The following TIGD1 variants were observed in gnomAD, a reference collection of about 807,000 sequenced individuals.
TIGD1 encodes tigger transposable element derived 1.
A neutral mutation model predicts 21.3 loss-of-function variants in TIGD1; 20 were observed. That is an observed-to-expected ratio of 0.94 (90% CI 0.66 to 1.36). TIGD1 has a LOEUF of 1.36. Ranked by LOEUF, TIGD1 falls within the 40% of genes most tolerant of loss-of-function variation. TIGD1 has a pLI of 0.00. For missense variants in TIGD1, 556 were observed against 350.5 expected, an observed-to-expected ratio of 1.59 and a Z score of -4.68; for synonymous variants, 177 against 123.2, an observed-to-expected ratio of 1.44 and a Z score of -2.89.
rs1574651677 is a variant in TIGD1, at chr2:232,549,877, G to A, written c.6C>T (p.Ala2=). The A allele has an allele frequency of 6.8e-7, 1 of 1,460,710 alleles. No homozygotes were observed. The allele number at this position is 1,460,710 out of a possible 1,614,324, so 90.5% of individuals were successfully genotyped here. A position where few individuals can be genotyped will look rare whatever the true frequency, so the allele number is the denominator to read the frequency against. ...TCTTCCTTTCACTTGAGCACTTAGA[G>A]GCCATTGCAGAGTCATTAATTCGCC... is the stretch of plus-strand genomic sequence containing the variant. M[A]SKCSSERKSR... Residue 2 remains alanine (A), a synonymous_variant, in exon 1 of 1, where the codon GCC becomes GCT. Transcript: ENST00000408957.
Position 232,545,490 on chromosome 2 carries a change from A to G in TIGD1, c.*2617T>C. 1 of 1,520,864 alleles carries G rather than the reference A, an allele frequency of 6.6e-7. No individual in the cohort carries two copies. Among genetic ancestry groups the G allele is most frequent in the South Asian group, 1.2e-5 (1 of 86,936 alleles). The allele number at this position is 1,520,864 out of a possible 1,614,324, so 94.2% of individuals were successfully genotyped here. On this transcript the variant is annotated 3_prime_UTR_variant, in exon 1 of 1. Transcript: ENST00000408957. ...AAGCCCAAGGATGAGAACAGGACCC[A>G]GGGAAGACCTGGTGCCGCCGCTGGT...
In TIGD1 at chr2:232,549,375, C is replaced by T. The variant is rs1259476051; in HGVS notation, c.508G>A (p.Ala170Thr). The change falls in exon 1 of 1, where the codon GCT (alanine) becomes ACT (threonine). Residue 170 changes from alanine (A) to threonine (T), a missense_variant. Physicochemically the swap from Ala to Thr is moderately conservative, Grantham distance 58. Transcript: ENST00000408957. ...EAAASYPEAL[A>T]KIIDEGGYTK... ...TAGCCACCTTCGTCAATGATCTTAG[C>T]TAAAGCTTCTGGATAACTTGCTGCA... 1.6e-6 allele frequency: 1 copy of T among 639,298 alleles called. No individual in the cohort carries two copies. The highest frequency in any genetic ancestry group is 2.8e-6 in the Non-Finnish European group (1 of 357,394). 39.6% of individuals were successfully genotyped at this position (639,298 alleles called of 1,614,324 possible).
rs1338929984 is a variant in TIGD1 at position 232,549,573 on chromosome 2, G to T, written c.310C>A (p.Leu104Ile). The change falls in exon 1 of 1, where the codon CTA becomes ATA. Residue 104 changes from leucine to isoleucine, a missense_variant. Physicochemically the swap from Leu to Ile is conservative, Grantham distance 5 (BLOSUM62 2). Coordinates refer to ENST00000408957, the MANE Select transcript of TIGD1 (RefSeq NM_145702.4). Reference sequence around the variant, plus strand: ...AGAGTTAGGGCTTTGTTCTGGATTAGGCTTTGGCTTAAGGGAATGTTGCGG... The same window carrying T: ...AGAGTTAGGGCTTTGTTCTGGATTATGCTTTGGCTTAAGGGAATGTTGCGG... Reference protein sequence around the residue: ...TSRNIPLSQSLIQNKALTLFN... With the variant: ...TSRNIPLSQSIIQNKALTLFN... 1 of 677,610 alleles carries T rather than the reference G, an allele frequency of 1.5e-6. No homozygotes were observed. 42.0% of individuals were successfully genotyped at this position (677,610 alleles called of 1,614,324 possible). A position where few individuals can be genotyped will look rare whatever the true frequency, so the allele number is the denominator to read the frequency against.
rs1261043434 is a variant in TIGD1 at position 232,545,577 on chromosome 2, T to G, written c.*2530A>C. The G allele has an allele frequency of 1.2e-6, 2 of 1,614,034 alleles. No individual in the cohort carries two copies. Among genetic ancestry groups the G allele is most frequent in the Non-Finnish European group, 1.7e-6 (2 of 1,180,000 alleles). ...GAGTGGTTCCTGGTGGGCCGAGTGC[T>G]GGACCGCGTCTGCTTCCTGGCCATG... On this transcript the variant is annotated 3_prime_UTR_variant, in exon 1 of 1. Coordinates refer to ENST00000408957, the MANE Select transcript of TIGD1 (RefSeq NM_145702.4).
At position 232,549,970 on chromosome 2, in the gene TIGD1, T is replaced by G. The variant is rs1692245621; in HGVS notation, c.-88A>C. 1.4e-6 allele frequency: 1 copy of G among 739,596 alleles called. No homozygotes were observed. The allele number at this position is 739,596 out of a possible 1,614,324, so 45.8% of individuals were successfully genotyped here. A position where few individuals can be genotyped will look rare whatever the true frequency, so the allele number is the denominator to read the frequency against. Reference sequence around the variant, plus strand: ...GAAGAGGGAGAGAGATGGGGAACGGTCTGTGGGTGGAGCGGTCAGAACACA... The same window carrying G: ...GAAGAGGGAGAGAGATGGGGAACGGGCTGTGGGTGGAGCGGTCAGAACACA... On this transcript the variant is annotated 5_prime_UTR_variant, in exon 1 of 1. Transcript: ENST00000408957.
chr2:232,547,675 G>T lies in TIGD1; in HGVS notation c.*432C>A. On this transcript the variant is annotated 3_prime_UTR_variant, in exon 1 of 1. Transcript: ENST00000408957. ...AGAACTAGAGGAGTTAGGGAGAGTG[G>T]GGGAGAACTTCAATCAGGGAGGGAA... Among the ~76,000 whole-genome samples, 1 of 152,172 alleles carries T rather than the reference G, an allele frequency of 6.6e-6. No individual in the cohort carries two copies. The highest frequency in any genetic ancestry group is 1.5e-5 in the Non-Finnish European group (1 of 68,030).
In TIGD1 at chr2:232,549,911, A is replaced by C; in HGVS notation, c.-29T>G. 5.7e-6 allele frequency: 7 copies of C among 1,224,326 alleles called. No individual in the cohort carries two copies. Among genetic ancestry groups the C allele is most frequent in the African/African-American group, 1.5e-5 (1 of 65,824 alleles). 75.8% of individuals were successfully genotyped at this position (1,224,326 alleles called of 1,614,324 possible). On this transcript the variant is annotated 5_prime_UTR_variant, in exon 1 of 1. Transcript: ENST00000408957. ...AGAGTCATTAATTCGCCTAATCTCA[A>C]TATTGTTGTGTCTCAGGGAATAGGG... is the stretch of plus-strand genomic sequence containing the variant.
chr2:232,544,762 T>C lies in TIGD1; in HGVS notation c.*3345A>G, dbSNP rs1263207131. On this transcript the variant is annotated 3_prime_UTR_variant, in exon 1 of 1. Transcript: ENST00000408957. ...TTCTACTCCCAAACCTTACCCTTTC[T>C]CTTTATCAGAGAAAGGCCCGGAGTT... 6.2e-7 allele frequency: 1 copy of C among 1,613,860 alleles called. No individual in the cohort carries two copies. The highest frequency in any genetic ancestry group is 1.1e-5 in the South Asian group (1 of 91,076).
rs2106227682 is a variant in TIGD1, at chr2:232,550,019, A to G, written c.-137T>C. On this transcript the variant is annotated 5_prime_UTR_variant, in exon 1 of 1. Coordinates refer to ENST00000408957, the MANE Select transcript of TIGD1 (RefSeq NM_145702.4). ...CACACAACATTAAGTTCCACGTCTT[A>G]TAAAAGACGCTGTATGTGGCACCCC... 5.7e-6 allele frequency: 3 copies of G among 523,962 alleles called. No homozygotes were observed. In the South Asian group the frequency reaches 1.0e-4, roughly 18 times the overall value. The allele number at this position is 523,962 out of a possible 1,614,324, so 32.5% of individuals were successfully genotyped here.
Position 232,546,508 on chromosome 2 carries a change from C to G in TIGD1, c.*1599G>C, listed in dbSNP as rs1462491166. ...CACCACAGGCATGCACCACTACACC[C>G]AGCTACTTTTAAATTTTTAGTAGAG... On this transcript the variant is annotated 3_prime_UTR_variant, in exon 1 of 1. Transcript: ENST00000408957. The G allele has an allele frequency of 6.6e-6, 1 of 152,142 alleles. No homozygotes were observed. Among genetic ancestry groups the G allele is most frequent in the East Asian group, 1.9e-4 (1 of 5,174 alleles). 9.4% of individuals were successfully genotyped at this position (152,142 alleles called of 1,614,324 possible).
Position 232,544,971 on chromosome 2 carries a change from T to C in TIGD1, c.*3136A>G, listed in dbSNP as rs1692097627. The C allele has an allele frequency of 6.2e-7, 1 of 1,600,604 alleles. No homozygotes were observed. Among genetic ancestry groups the C allele is most frequent in the Admixed American group, 1.7e-5 (1 of 58,992 alleles). On this transcript the variant is annotated 3_prime_UTR_variant, in exon 1 of 1. Transcript: ENST00000408957. The stretch of plus-strand genomic sequence containing the variant: ...GCTTGGAACCGTGATAGAGACAGGA[T>C]GAGTGGGGTTGCCAAGATAGGGCAG...
rs192047600 is a variant in TIGD1 at position 232,548,256 on chromosome 2, G to A, written c.1627C>T (p.Arg543Ter). The change falls in exon 1 of 1, where the codon CGA becomes TGA. Residue 543 changes from arginine to a stop codon, truncating the protein, a stop_gained. Coordinates refer to ENST00000408957, the MANE Select transcript of TIGD1 (RefSeq NM_145702.4). LOFTEE classifies it high-confidence loss of function. ...AAATAAGACATCGGTGAAGCTTTTC[G>A]CATGAGTTGACTCTTCCTTTCATGA... The part of the protein sequence containing the change: ...IFHERKSQLM[R>*]KASPMSYFRK... The A allele has an allele frequency of 1.1e-4, 175 of 1,542,890 alleles. No homozygotes were observed. In the East Asian group the frequency reaches 2.7e-3, roughly 24 times the overall value.
chr2:232,549,087 G>C lies in TIGD1; in HGVS notation c.796C>G (p.Arg266Gly), dbSNP rs779574253. The change falls in exon 1 of 1, where the codon CGG becomes GGG. Residue 266 changes from arginine to glycine, a missense_variant. Coordinates refer to ENST00000408957, the MANE Select transcript of TIGD1 (RefSeq NM_145702.4). ...GCTGTAAACAGATGTGCTGTCATCC[G>C]GGCTTTGCTGTTCCATTTATATAGC... The part of the protein sequence containing the change: ...PVLYKWNSKA[R>G]MTAHLFTAWF... 1.8e-4 allele frequency: 129 copies of C among 715,636 alleles called. No individual in the cohort carries two copies. Among genetic ancestry groups the C allele is most frequent in the Non-Finnish European group, 3.0e-4 (117 of 384,770 alleles). 44.3% of individuals were successfully genotyped at this position (715,636 alleles called of 1,614,324 possible).
Position 232,547,316 on chromosome 2 carries a change from G to A in TIGD1, c.*791C>T, listed in dbSNP as rs1487025426. ...GCCTGTAGTCCCAGTTACTCGGGAG[G>A]CTGAGGTGGGAGGATCGCTTGAGCC... On this transcript the variant is annotated 3_prime_UTR_variant, in exon 1 of 1. Coordinates refer to ENST00000408957, the MANE Select transcript of TIGD1 (RefSeq NM_145702.4). Among the ~76,000 whole-genome samples, 1 of 152,180 alleles carries A rather than the reference G, an allele frequency of 6.6e-6. No individual in the cohort carries two copies. Among genetic ancestry groups the A allele is most frequent in the Non-Finnish European group, 1.5e-5 (1 of 68,036 alleles).
chr2:232,546,835 T>C lies in TIGD1; in HGVS notation c.*1272A>G, dbSNP rs1692142436. ...CTACGGCCTGAAAAACAGGCCCTTC[T>C]TCCCAAAGGATGGTTAAGACAAGGA... On this transcript the variant is annotated 3_prime_UTR_variant, in exon 1 of 1. Transcript: ENST00000408957. Among the ~76,000 whole-genome samples, 1 of 152,200 alleles carries C rather than the reference T, an allele frequency of 6.6e-6. No homozygotes were observed. Among genetic ancestry groups the C allele is most frequent in the Non-Finnish European group, 1.5e-5 (1 of 68,038 alleles).
rs549529159 is a variant in TIGD1 at position 232,548,489 on chromosome 2, G to T, written c.1394C>A (p.Ala465Glu). 1 of 664,204 alleles carries T rather than the reference G, an allele frequency of 1.5e-6. No homozygotes were observed. Among genetic ancestry groups the T allele is most frequent in the African/African-American group, 1.8e-5 (1 of 56,678 alleles). 41.1% of individuals were successfully genotyped at this position (664,204 alleles called of 1,614,324 possible). A position where few individuals can be genotyped will look rare whatever the true frequency, so the allele number is the denominator to read the frequency against. Reference sequence around the variant, plus strand: ...CATCTCAAGAAACCACTTTCTTTGCGCATCCATAAGAAACAACTCCTCATC... The same window carrying T: ...CATCTCAAGAAACCACTTTCTTTGCTCATCCATAAGAAACAACTCCTCATC... The part of the protein sequence containing the change: ...LTDEELFLMD[A>E]QRKWFLEMES... The change falls in exon 1 of 1, where the codon GCG becomes GAG. Residue 465 changes from alanine (A) to glutamate (E), a missense_variant. Coordinates refer to ENST00000408957, the MANE Select transcript of TIGD1 (RefSeq NM_145702.4).
rs1374346236 is a variant in TIGD1, at chr2:232,547,907, G to C, written c.*200C>G. The stretch of plus-strand genomic sequence containing the variant: ...ACAGCAACCTAAGGAGGTAGGTCGA[G>C]GCATACCTCAAAGACATTGCAGGTT... On this transcript the variant is annotated 3_prime_UTR_variant, in exon 1 of 1. Coordinates refer to ENST00000408957, the MANE Select transcript of TIGD1 (RefSeq NM_145702.4). 3 of 425,052 alleles carry C rather than the reference G, an allele frequency of 7.1e-6. No individual in the cohort carries two copies. The highest frequency in any genetic ancestry group is 1.2e-5 in the Non-Finnish European group (3 of 243,308). 26.3% of individuals were successfully genotyped at this position (425,052 alleles called of 1,614,324 possible).
rs1692108570 is a variant in TIGD1 at position 232,545,421 on chromosome 2, A to C, written c.*2686T>G. 3 of 901,232 alleles carry C rather than the reference A, an allele frequency of 3.3e-6. No homozygotes were observed. The highest frequency in any genetic ancestry group is 5.3e-6 in the Non-Finnish European group (3 of 568,606). 55.8% of individuals were successfully genotyped at this position (901,232 alleles called of 1,614,324 possible). ...ATTAGCCACCAGTTGGGACCCGGACATAGGTAAGAAGGGCCCCAGGAAATG... is the reference window on the plus strand; with the variant it reads ...ATTAGCCACCAGTTGGGACCCGGACCTAGGTAAGAAGGGCCCCAGGAAATG... On this transcript the variant is annotated 3_prime_UTR_variant, in exon 1 of 1. Transcript: ENST00000408957.
rs927645087 is a variant in TIGD1, at chr2:232,547,035, G to A, written c.*1072C>T. Among the ~76,000 whole-genome samples the A allele has an allele frequency of 2.0e-5, 3 of 152,208 alleles. No homozygotes were observed. The highest frequency in any genetic ancestry group is 7.2e-5 in the African/African-American group (3 of 41,456). On this transcript the variant is annotated 3_prime_UTR_variant, in exon 1 of 1. Coordinates refer to ENST00000408957, the MANE Select transcript of TIGD1 (RefSeq NM_145702.4). ...TACAGCCGGCACACGAGTTTGGCTGGTAACCAGGGGACACCCTTGGGCAAG... is the reference window on the plus strand; with the variant it reads ...TACAGCCGGCACACGAGTTTGGCTGATAACCAGGGGACACCCTTGGGCAAG...
Sources: gnomAD v4.1 joint callset for allele counts (sites outside exome capture counted in the v4.1 genomes callset) on GRCh38, gnomAD v4.1.1 for gene constraint, MANE v1.5 for transcripts, NCBI Gene and HGNC (gene_info 2026-07-23, HGNC 2026-07-21) for gene names.